Variants in SLC25A51 observed in about 807,000 individuals in gnomAD.
SLC25A51 encodes the protein mitochondrial nicotinamide adenine dinucleotide transporter SLC25A51.
SLC25A51 carries 11 observed loss-of-function variants against 19.1 expected under a neutral mutation model. The ratio of observed to expected loss-of-function variants is 0.58; its 90% confidence interval spans 0.36 to 0.96. The LOEUF is 0.96. SLC25A51 is among the 40% of genes least tolerant of loss of function. The pLI, the probability that SLC25A51 is intolerant of heterozygous loss-of-function variation, is 0.01. For synonymous variants in SLC25A51, 105 were observed against 133.6 expected (o/e 0.79, Z 1.47); for missense variants, 201 against 365.4 (o/e 0.55, Z 3.67).
In SLC25A51 at chr9:37,895,178, T is replaced by C. The variant is rs147837213; in HGVS notation, c.-43+4651A>G. ...GCAGCAATGGGCAACCTTGTACTTA[T>C]ACCATGTGAATTGTTTTGCCATTAA... is the stretch of plus-strand genomic sequence containing the variant. On this transcript the variant is annotated intron_variant, in intron 2 of 2. Coordinates refer to ENST00000242275, the MANE Select transcript of SLC25A51 (RefSeq NM_033412.4). Among the ~76,000 whole-genome samples the C allele has an allele frequency of 2.6e-5, 4 of 152,276 alleles. No individual in the cohort carries two copies. The East Asian group carries it at 5.8e-4, about 22-fold the overall frequency.
At chr9:37,885,349 A>C (rs1300585053), downstream of SLC25A51, among the ~76,000 whole-genome samples, 151 of 150,248 alleles carry the variant, frequency 1.0e-3, 1 homozygote, top group South Asian at 3.1e-3. Context: ...TGATAAAAAA[A>C]AAAAAAAAAA....
downstream of SLC25A51, chr9:37,885,887 T>C (rs867150559): frequency 9.8e-4 from 1,496 of 1,519,096 alleles, 8 homozygotes; most frequent in African/African-American, 0.019. Context: ...AACCCCCCCC[T>C]CCCCATATAT....
chr9:37,881,681 A>G (rs968875171), intron 2 of SLC25A51: 1 of 152,238 alleles, frequency 6.6e-6, no homozygotes, highest in Non-Finnish European at 1.5e-5. Flanking sequence ...CCTGGAAAAT[A>G]AAACTTATAT....
chr9:37,902,032 C>T (rs1831859224), intron 1 of SLC25A51, among the ~76,000 whole-genome samples: 1 of 152,198 alleles, frequency 6.6e-6, no homozygotes, highest in South Asian at 2.1e-4. Context: ...TACATGATTA[C>T]ATGATATTGT....
rs1389291862 is a variant in SLC25A51, at chr9:37,888,286, T to A, written c.265A>T (p.Met89Leu). Residue 89 changes from methionine to leucine, a missense_variant, in exon 3 of 3, where the codon ATG becomes TTG. Coordinates refer to ENST00000242275, the MANE Select transcript of SLC25A51 (RefSeq NM_033412.4). ...NLYRGILPPL[M>L]QKTTTLALMF... Reference sequence around the variant, plus strand: ...AGTGCAAGCGTAGTTGTCTTCTGCATCAATGGGGGAAGGATTCCACGATAC... The same window carrying A: ...AGTGCAAGCGTAGTTGTCTTCTGCAACAATGGGGGAAGGATTCCACGATAC... 6 of 1,614,132 alleles carry A rather than the reference T, an allele frequency of 3.7e-6. No individual in the cohort carries two copies. The African/African-American group carries it at 4.0e-5, about 11-fold the overall frequency.
At chr9:37,885,344 A>T (rs1447265167), downstream of SLC25A51, among the ~76,000 whole-genome samples, 4 of 59,236 alleles carry the variant, frequency 6.8e-5, no homozygotes, top group African/African-American at 3.8e-4. Flanking sequence ...GGTAATGATA[A>T]AAAAAAAAAA....
chr9:37,881,887 A>G (rs1831355803), intron 2 of SLC25A51, among the ~76,000 whole-genome samples: 1 of 152,196 alleles, frequency 6.6e-6, no homozygotes, highest in South Asian at 2.1e-4. Flanking sequence ...AGAAGACCAA[A>G]AAGAGTGGGC....
At chr9:37,886,152 C>T (rs1367842439), downstream of SLC25A51, 13 of 1,439,332 alleles carry the variant, frequency 9.0e-6, no homozygotes, top group African/African-American at 2.8e-5. Context: ...AATCAACTCC[C>T]TACCCTGATC....
rs1266424788 is a variant in SLC25A51 at position 37,888,405 on chromosome 9, A to G, written c.146T>C (p.Phe49Ser). ...TCGAAAGAGGACCTTCTGAATGGGA[A>G]ATGTGATTGCGACATTGTTGAAGGC... ...CAAFNNVAITFPIQKVLFRQQ... is the reference protein window; with the variant it reads ...CAAFNNVAITSPIQKVLFRQQ... The change falls in exon 3 of 3, where the codon TTT becomes TCT. Residue 49 changes from phenylalanine to serine, a missense_variant. Coordinates refer to ENST00000242275, the MANE Select transcript of SLC25A51 (RefSeq NM_033412.4). 2 of 1,614,148 alleles carry G rather than the reference A, an allele frequency of 1.2e-6. No individual in the cohort carries two copies.
At chr9:37,901,845 G>A (rs1384017027) in intron 1 of SLC25A51, among the ~76,000 whole-genome samples, 1 of 152,124 alleles carries the variant, frequency 6.6e-6, no homozygotes, top group Non-Finnish European at 1.5e-5. Flanking sequence ...ACTTTTTACT[G>A]ATTCAGCTGA....
chr9:37,896,929 A>G (rs1453459971), intron 2 of SLC25A51, among the ~76,000 whole-genome samples: 1 of 152,232 alleles, frequency 6.6e-6, no homozygotes, highest in East Asian at 1.9e-4. Context: ...GTGCAAATTA[A>G]TTAGACTATA....
intron 2 of SLC25A51, among the ~76,000 whole-genome samples, chr9:37,882,391 C>T (rs1831366029): frequency 1.3e-5 from 2 of 152,312 alleles, no homozygotes; most frequent in South Asian, 4.1e-4. Flanking sequence ...CCATCGACCA[C>T]CATTATTCCC....
At chr9:37,898,486 C>T (rs1386695847) in intron 2 of SLC25A51, among the ~76,000 whole-genome samples, 9 of 151,520 alleles carry the variant, frequency 5.9e-5, no homozygotes, top group African/African-American at 1.7e-4. Flanking sequence ...ACCTCGGAGG[C>T]GGAGGTTGCA....
downstream of SLC25A51, among the ~76,000 whole-genome samples, chr9:37,885,492 A>G (rs1831433725): frequency 6.6e-6 from 1 of 151,966 alleles, no homozygotes; most frequent in South Asian, 2.1e-4. Context: ...ATTAAGAAAG[A>G]GATTCTCCTG....
At chr9:37,891,898 TAA>T (rs5897706) in intron 2 of SLC25A51, among the ~76,000 whole-genome samples, 4,070 of 113,066 alleles carry the variant, frequency 0.036, 125 homozygotes, top group African/African-American at 0.1. Flanking sequence ...ACAACTACTT[TAA>T]AAAAAAAAAA....
At chr9:37,892,070 GATTA>G (rs1291705087) in intron 2 of SLC25A51, among the ~76,000 whole-genome samples, 1 of 152,090 alleles carries the variant, frequency 6.6e-6, no homozygotes, top group Admixed American at 6.6e-5. Flanking sequence ...TTCAGTGTAG[GATTA>G]ATTTTGAATT....
At chr9:37,887,433 T>C (rs1237866415), downstream of SLC25A51, among the ~76,000 whole-genome samples, 2 of 152,126 alleles carry the variant, frequency 1.3e-5, no homozygotes, top group Non-Finnish European at 2.9e-5. Context: ...TTGTGAGGAT[T>C]GAGAAGGGGT....
At chr9:37,902,371 T>C (rs761381024) in intron 1 of SLC25A51, among the ~76,000 whole-genome samples, 11 of 152,218 alleles carry the variant, frequency 7.2e-5, no homozygotes, top group Admixed American at 1.3e-4. Flanking sequence ...TTTAAGAACA[T>C]TACTGTACAT....
downstream of SLC25A51, chr9:37,878,463 A>G (rs1831293503): frequency 5.0e-6 from 1 of 200,632 alleles, no homozygotes. Context: ...GAAGGATGTG[A>G]GTTTTGCCCA....
Sources: gnomAD v4.1 joint callset for allele counts (sites outside exome capture counted in the v4.1 genomes callset) on GRCh38, gnomAD v4.1.1 for gene constraint, MANE v1.5 for transcripts, NCBI Gene and HGNC (gene_info 2026-07-23, HGNC 2026-07-21) for gene names.